CFAP144: variants seen among roughly 807,000 people sequenced by gnomAD.
CFAP144 encodes the protein cilia and flagella associated protein 144, also known as cilia- and flagella-associated protein 144.
the CFAP144 span, among the ~76,000 whole-genome samples, chr1:43,144,155 A>C: frequency 6.6e-6 from 1 of 152,188 alleles, no homozygotes; most frequent in Non-Finnish European, 1.5e-5. Flanking sequence ...CCTTTGGTCG[A>C]TCTTTGCCTA....
At chr1:43,155,306 TGGC>T in the CFAP144 span, among the ~76,000 whole-genome samples, 1 of 152,230 alleles carries the variant, frequency 6.6e-6, no homozygotes, top group East Asian at 1.9e-4. Context: ...AGTAAAGACC[TGGC>T]TCACACAAGT....
At chr1:43,152,367 T>C in the CFAP144 span, among the ~76,000 whole-genome samples, 1 of 152,200 alleles carries the variant, frequency 6.6e-6, no homozygotes, top group Admixed American at 6.5e-5. Flanking sequence ...TGTGGTGTGC[T>C]CTTCCTCTGC....
At chr1:43,152,980 G>A in the CFAP144 span, 6 of 1,571,920 alleles carry the variant, frequency 3.8e-6, no homozygotes, top group South Asian at 7.0e-5. Flanking sequence ...CAGCAGCAAT[G>A]TAAGTGGTGA....
At chr1:43,150,581 A>G in the CFAP144 span, among the ~76,000 whole-genome samples, 1 of 152,164 alleles carries the variant, frequency 6.6e-6, no homozygotes, top group African/African-American at 2.4e-5. Context: ...GCCACTCTAG[A>G]TTGTGAGGTT....
the CFAP144 span, among the ~76,000 whole-genome samples, chr1:43,154,066 A>G: frequency 0.021 from 1,274 of 60,546 alleles, 20 homozygotes; most frequent in African/African-American, 0.16. Flanking sequence ...GTGTGTGTAT[A>G]TATATATATA....
chr1:43,145,363 A>T, the CFAP144 span: 1 of 1,219,384 alleles, frequency 8.2e-7, no homozygotes, highest in Non-Finnish European at 1.2e-6. Context: ...CATAGGGCAC[A>T]AGGTCCCTGC....
the CFAP144 span, chr1:43,150,827 C>G: frequency 1.1e-5 from 18 of 1,604,988 alleles, no homozygotes; most frequent in Admixed American, 1.7e-4. Context: ...GATGGTAAGT[C>G]CTGGGCTTTG....
At chr1:43,149,954 C>A in the CFAP144 span, among the ~76,000 whole-genome samples, 1 of 152,144 alleles carries the variant, frequency 6.6e-6, no homozygotes, top group Admixed American at 6.5e-5. Flanking sequence ...TCCACTGGAG[C>A]CACTCTGGCT....
At chr1:43,145,176 T>C in the CFAP144 span, 1 of 1,226,256 alleles carries the variant, frequency 8.2e-7, no homozygotes, top group Non-Finnish European at 1.2e-6. Flanking sequence ...TGAGGTTCTC[T>C]ACGTTTGAGA....
chr1:43,148,975 C>T, the CFAP144 span, among the ~76,000 whole-genome samples: 1 of 152,126 alleles, frequency 6.6e-6, no homozygotes, highest in East Asian at 1.9e-4. Context: ...TAAGTAGCAC[C>T]TCAAACAGCC....
the CFAP144 span, among the ~76,000 whole-genome samples, chr1:43,153,197 A>G: frequency 6.6e-6 from 1 of 152,180 alleles, no homozygotes; most frequent in Non-Finnish European, 1.5e-5. Context: ...CATGGTAAAC[A>G]CTGTGTGTTT....
At chr1:43,148,599 C>T in the CFAP144 span, among the ~76,000 whole-genome samples, 4 of 152,258 alleles carry the variant, frequency 2.6e-5, no homozygotes, top group Admixed American at 6.5e-5. Context: ...CAGATCCACA[C>T]GCCCAACCAC....
At chr1:43,149,470 A>G in the CFAP144 span, among the ~76,000 whole-genome samples, 1 of 152,194 alleles carries the variant, frequency 6.6e-6, no homozygotes, top group Non-Finnish European at 1.5e-5. Flanking sequence ...TCTGTGCCTA[A>G]TATGTAAAGT....
chr1:43,152,868 A>C, the CFAP144 span: 1 of 1,613,506 alleles, frequency 6.2e-7, no homozygotes, highest in East Asian at 2.2e-5. Context: ...CCCAGGGACC[A>C]AGGAAGAAGT....
chr1:43,151,667 A>G, the CFAP144 span, among the ~76,000 whole-genome samples: 1 of 152,134 alleles, frequency 6.6e-6, no homozygotes, highest in Non-Finnish European at 1.5e-5. Flanking sequence ...GAGGAGAGAT[A>G]TTTGGTGGAA....
At chr1:43,155,123 G>T in the CFAP144 span, among the ~76,000 whole-genome samples, 4,509 of 152,266 alleles carry the variant, frequency 0.03, 153 homozygotes, top group African/African-American at 0.089. Context: ...AGTAATTCAG[G>T]GTTCCTGAGT....
chr1:43,149,836 C>T, the CFAP144 span, among the ~76,000 whole-genome samples: 8 of 152,222 alleles, frequency 5.3e-5, no homozygotes, highest in South Asian at 2.1e-4. Context: ...ATTTTAAGGG[C>T]GCATGCTCTA....
the CFAP144 span, chr1:43,156,364 G>A: frequency 1.5e-6 from 2 of 1,375,486 alleles, no homozygotes; most frequent in Non-Finnish European, 2.1e-6. Context: ...AGTGTGCACA[G>A]CCCAGAGAAA....
chr1:43,149,534 A>G, the CFAP144 span, among the ~76,000 whole-genome samples: 2 of 152,164 alleles, frequency 1.3e-5, no homozygotes, highest in Non-Finnish European at 2.9e-5. Context: ...CTTTCCTTCT[A>G]ACTAACTTGG....
Sources: gnomAD v4.1 joint callset for allele counts (sites outside exome capture counted in the v4.1 genomes callset) on GRCh38, gnomAD v4.1.1 for gene constraint, MANE v1.5 for transcripts, NCBI Gene and HGNC (gene_info 2026-07-23, HGNC 2026-07-21) for gene names.